Variants in MINDY2 observed in about 807,000 individuals in gnomAD.
The protein encoded by MINDY2 is ubiquitin carboxyl-terminal hydrolase MINDY-2.
MINDY2 carries 52 observed loss-of-function variants against 68.2 expected under a neutral mutation model. The observed-to-expected ratio is 0.76, with a 90% confidence interval of 0.61 to 0.96. MINDY2 has a LOEUF of 0.96. Ranked by LOEUF, MINDY2 falls within the 40% of genes least tolerant of loss-of-function variation. The pLI is 0.00. For synonymous variants in MINDY2, 372 were observed against 303.0 expected (o/e 1.23, Z -2.36); for missense variants, 881 against 773.4 (o/e 1.14, Z -1.65).
At position 58,831,889 on chromosome 15, in the gene MINDY2, T is replaced by C. The variant is rs1211275419; in HGVS notation, c.1341T>C (p.Asn447=). Reference sequence around the variant, plus strand: ...AACTTTGTGTGTTCTTTCGGAATAATCATTTTAGCACCATGACCAAATACA... The same window carrying C: ...AACTTTGTGTGTTCTTTCGGAATAACCATTTTAGCACCATGACCAAATACA... ...EGELCVFFRN[N]HFSTMTKYKG... is the part of the protein sequence containing the mutation. The change falls in exon 6 of 9, where the codon AAT becomes AAC. Residue 447 remains asparagine (N), a synonymous_variant. Transcript: ENST00000559228. 6.2e-7 allele frequency: 1 copy of C among 1,613,566 alleles called. No homozygotes were observed. The highest frequency in any genetic ancestry group is 8.5e-7 in the Non-Finnish European group (1 of 1,179,786).
intron 1 of MINDY2, among the ~76,000 whole-genome samples, chr15:58,780,740 C>G (rs1274730800): frequency 2.0e-5 from 3 of 152,104 alleles, no homozygotes; most frequent in African/African-American, 7.2e-5. Context: ...TTCAGAGTCT[C>G]TTTGGGGCAC....
At position 58,858,411 on chromosome 15, in the gene MINDY2, T is replaced by G. The variant is rs1433890548; in HGVS notation, c.*3801T>G. The G allele has an allele frequency of 6.6e-6, 1 of 152,190 alleles. No individual in the cohort carries two copies. Among genetic ancestry groups the G allele is most frequent in the African/African-American group, 2.4e-5 (1 of 41,460 alleles). 9.4% of individuals were successfully genotyped at this position (152,190 alleles called of 1,614,324 possible). ...AGTTGACTGAACCCAAGATTAAACA[T>G]TTTGCACTTGCACAAAACCTTCTTA... On this transcript the variant is annotated 3_prime_UTR_variant, in exon 9 of 9. Transcript: ENST00000559228.
Position 58,848,836 on chromosome 15 carries a change from C to T in MINDY2, c.1542+1366C>T, listed in dbSNP as rs560043362. 2.0e-5 allele frequency among the ~76,000 whole-genome samples: 3 copies of T among 152,306 alleles called. No individual in the cohort carries two copies. In the East Asian group the frequency reaches 5.8e-4, roughly 29 times the overall value. Reference sequence around the variant, plus strand: ...CAGTTCTGAAAGTCGTGCTCATTTTCCTTCAGAAGCTATACAGGGGTGTTG... The same window carrying T: ...CAGTTCTGAAAGTCGTGCTCATTTTTCTTCAGAAGCTATACAGGGGTGTTG... On this transcript the variant is annotated intron_variant, in intron 7 of 8. Transcript: ENST00000559228.
rs2032599398 is a variant in MINDY2, at chr15:58,847,582, A to C, written c.1542+112A>C. The C allele has an allele frequency of 7.0e-6, 6 of 852,020 alleles. No individual in the cohort carries two copies. In the East Asian group the frequency reaches 1.6e-4, roughly 23 times the overall value. The allele number at this position is 852,020 out of a possible 1,614,324, so 52.8% of individuals were successfully genotyped here. On this transcript the variant is annotated intron_variant, in intron 7 of 8. Coordinates refer to ENST00000559228, the MANE Select transcript of MINDY2 (RefSeq NM_001040450.3). Reference sequence around the variant, plus strand: ...GATTAATTCATCAATATGCTTGTGAAATTTTCCTGACACTTCCTGAATAGT... The same window carrying C: ...GATTAATTCATCAATATGCTTGTGACATTTTCCTGACACTTCCTGAATAGT...
intron 4 of MINDY2, among the ~76,000 whole-genome samples, chr15:58,820,226 A>G (rs1454031434): frequency 1.3e-5 from 2 of 152,146 alleles, no homozygotes; most frequent in Admixed American, 1.3e-4. Context: ...AGACTGTGTC[A>G]GTGCACTCTA....
chr15:58,779,008 C>T (rs766515973), intron 1 of MINDY2, among the ~76,000 whole-genome samples: 4 of 151,568 alleles, frequency 2.6e-5, no homozygotes, highest in East Asian at 3.9e-4. Context: ...GTGACCTGCC[C>T]GCCTCAGCCT....
intron 3 of MINDY2, among the ~76,000 whole-genome samples, chr15:58,804,496 T>G (rs1902884784): frequency 6.6e-6 from 1 of 152,030 alleles, no homozygotes; most frequent in African/African-American, 2.4e-5. Flanking sequence ...TTGATTGAAA[T>G]GAGAAAATCT....
intron 2 of MINDY2, among the ~76,000 whole-genome samples, chr15:58,790,281 T>A (rs1236392507): frequency 6.6e-6 from 1 of 152,172 alleles, no homozygotes; most frequent in Non-Finnish European, 1.5e-5. Flanking sequence ...GGGACTCTAC[T>A]TGATAAATGA....
At chr15:58,821,145 C>CG (rs1194100701) in intron 4 of MINDY2, among the ~76,000 whole-genome samples, 1 of 151,564 alleles carries the variant, frequency 6.6e-6, no homozygotes, top group Non-Finnish European at 1.5e-5. Context: ...AATCATGGCG[C>CG]ATATCCCATC....
chr15:58,793,928 A>T (rs775638069), intron 2 of MINDY2, among the ~76,000 whole-genome samples: 1 of 152,106 alleles, frequency 6.6e-6, no homozygotes. Context: ...GTTACCTTTG[A>T]GGTTAGTGAA....
intron 6 of MINDY2, among the ~76,000 whole-genome samples, chr15:58,836,353 G>A (rs2031993451): frequency 6.7e-6 from 1 of 149,756 alleles, no homozygotes; most frequent in Non-Finnish European, 1.5e-5. Flanking sequence ...TTTGCCACTT[G>A]TCCCCAGAAT....
chr15:58,838,655 C>T (rs1277936803), intron 6 of MINDY2, among the ~76,000 whole-genome samples: 1 of 128,790 alleles, frequency 7.8e-6, no homozygotes, highest in African/African-American at 3.0e-5. Context: ...GGCACAATCT[C>T]AGCTCACCAC....
At chr15:58,849,659 G>C (rs541188291) in intron 7 of MINDY2, among the ~76,000 whole-genome samples, 6 of 152,198 alleles carry the variant, frequency 3.9e-5, no homozygotes, top group Admixed American at 6.5e-5. Flanking sequence ...GAAGAATTCA[G>C]AAGAACTTGA....
rs1334912652 is a variant in MINDY2 at position 58,856,499 on chromosome 15, A to C, written c.*1889A>C. On this transcript the variant is annotated 3_prime_UTR_variant, in exon 9 of 9. Coordinates refer to ENST00000559228, the MANE Select transcript of MINDY2 (RefSeq NM_001040450.3). ...TGTTACACAATTTGTTATTTCTTCAAATTTCCTATGGTAGCATGATAAATC... is the reference window on the plus strand; with the variant it reads ...TGTTACACAATTTGTTATTTCTTCACATTTCCTATGGTAGCATGATAAATC... The C allele has an allele frequency of 6.6e-6, 1 of 152,500 alleles. No individual in the cohort carries two copies. Among genetic ancestry groups the C allele is most frequent in the Admixed American group, 6.5e-5 (1 of 15,276 alleles). The allele number at this position is 152,500 out of a possible 1,614,324, so 9.4% of individuals were successfully genotyped here. A position where few individuals can be genotyped will look rare whatever the true frequency, so the allele number is the denominator to read the frequency against.
rs34161206 is a variant in MINDY2 at position 58,846,092 on chromosome 15, TAAAAAAAA to T, written c.1369-1197_1369-1190del. 4.4e-5 allele frequency among the ~76,000 whole-genome samples: 6 copies of T among 136,272 alleles called. No homozygotes were observed. In the East Asian group the frequency reaches 1.2e-3, roughly 28 times the overall value. The allele number at this position is 136,272 out of a possible 152,430, so 89.4% of individuals were successfully genotyped here. A position where few individuals can be genotyped will look rare whatever the true frequency, so the allele number is the denominator to read the frequency against. On this transcript the variant is annotated intron_variant, in intron 6 of 8. Coordinates refer to ENST00000559228, the MANE Select transcript of MINDY2 (RefSeq NM_001040450.3). ...GGCAGGATGGATGGTTAATGGATGT[TAAAAAAAA>T]AAAAAAAGAAAAAACAGAATGATTG... is the stretch of plus-strand genomic sequence containing the variant.
At chr15:58,804,908 A>C (rs1463388703) in intron 3 of MINDY2, among the ~76,000 whole-genome samples, 2 of 152,170 alleles carry the variant, frequency 1.3e-5, no homozygotes, top group Non-Finnish European at 2.9e-5. Context: ...CAGGAGGATT[A>C]CTTGAGCCTA....
chr15:58,791,298 A>T (rs1208991763), intron 2 of MINDY2, among the ~76,000 whole-genome samples: 29 of 142,964 alleles, frequency 2.0e-4, no homozygotes, highest in African/African-American at 7.3e-4. Flanking sequence ...CTTTCAATTA[A>T]AATTTCTGTA....
chr15:58,854,247 A>G (rs1320330677), intron 8 of MINDY2, among the ~76,000 whole-genome samples: 1 of 151,982 alleles, frequency 6.6e-6, no homozygotes, highest in Non-Finnish European at 1.5e-5. Flanking sequence ...CTGTCTCAAA[A>G]AAAAAAAAAG....
At chr15:58,803,481 AAAG>A (rs200573929) in intron 3 of MINDY2, among the ~76,000 whole-genome samples, 2,288 of 150,878 alleles carry the variant, frequency 0.015, 49 homozygotes, top group African/African-American at 0.05. Flanking sequence ...AAAAAAAAAA[AAAG>A]AAGAAGAATC....
Sources: gnomAD v4.1 joint callset for allele counts (sites outside exome capture counted in the v4.1 genomes callset) on GRCh38, gnomAD v4.1.1 for gene constraint, MANE v1.5 for transcripts, NCBI Gene and HGNC (gene_info 2026-07-23, HGNC 2026-07-21) for gene names.